CMTM6: variants seen among roughly 807,000 people sequenced by gnomAD.
CMTM6 encodes CKLF-like MARVEL transmembrane domain-containing protein 6.
Under a neutral mutation model 13.6 loss-of-function variants are expected in CMTM6, and 5 were observed. That is an observed-to-expected ratio of 0.37 (90% confidence interval 0.19 to 0.77). The LOEUF (loss-of-function observed/expected upper bound fraction) is 0.77. Ranked by LOEUF, CMTM6 falls within the 30% of genes least tolerant of loss-of-function variation. The pLI is 0.50. For synonymous variants in CMTM6, 99 were observed against 84.5 expected, an observed-to-expected ratio of 1.17 and a Z score of -0.94; for missense variants, 196 against 218.6, an observed-to-expected ratio of 0.90 and a Z score of 0.65.
At position 32,487,982 on chromosome 3, in the gene CMTM6, A is replaced by T. The variant is rs1305971282; in HGVS notation, c.370T>A (p.Phe124Ile). Residue 124 changes from phenylalanine (F) to isoleucine (I), a missense_variant, in exon 3 of 4, where the codon TTT becomes ATT. By Grantham distance (21) the Phe-to-Ile change is conservative. Coordinates refer to ENST00000205636, the MANE Select transcript of CMTM6 (RefSeq NM_017801.3). ...GCVFLLASII[F>I]VSTHDRTSAE... ...GAAGTCCTGTCATGTGTGGAAACAA[A>T]AATGATGGATGCCAACAAAAACACA... is the stretch of plus-strand genomic sequence containing the variant. The T allele has an allele frequency of 6.2e-7, 1 of 1,613,922 alleles. No homozygotes were observed. Among genetic ancestry groups the T allele is most frequent in the African/African-American group, 1.3e-5 (1 of 74,944 alleles).
intron 1 of CMTM6, among the ~76,000 whole-genome samples, chr3:32,500,627 G>A (rs1447604797): frequency 1.3e-5 from 2 of 151,996 alleles, no homozygotes; most frequent in Non-Finnish European, 2.9e-5. Context: ...ATCTTTTAAG[G>A]CAAATTCATC....
rs181078189 is a variant in CMTM6 at position 32,497,304 on chromosome 3, A to G, written c.138+5304T>C. On this transcript the variant is annotated intron_variant, in intron 1 of 3. Transcript: ENST00000205636. ...GGAGGCTGAGGCAGGAGAATGGCGT[A>G]AACCCAGGAGGCAGAGCTTTCAGTG... is the stretch of plus-strand genomic sequence containing the variant. 6.9e-4 allele frequency among the ~76,000 whole-genome samples: 103 copies of G among 149,480 alleles called. No individual in the cohort carries two copies. In the Middle Eastern group the frequency reaches 0.014, roughly 20 times the overall value.
chr3:32,501,348 A>G (rs182493665), intron 1 of CMTM6, among the ~76,000 whole-genome samples: 1 of 152,326 alleles, frequency 6.6e-6, no homozygotes, highest in Non-Finnish European at 1.5e-5. Flanking sequence ...AGAAGGAAGA[A>G]GGTAGAAGGA....
rs1462415235 is a variant in CMTM6 at position 32,483,451 on chromosome 3, A to C, written c.*509T>G. On this transcript the variant is annotated 3_prime_UTR_variant, in exon 4 of 4. Coordinates refer to ENST00000205636, the MANE Select transcript of CMTM6 (RefSeq NM_017801.3). ...CCTGGTAATATATGTTAAGGAAAAA[A>C]ACCTAGACCAACATTTTAAATATTG... The C allele has an allele frequency of 6.6e-6, 1 of 152,418 alleles. No homozygotes were observed. The highest frequency in any genetic ancestry group is 1.5e-5 in the Non-Finnish European group (1 of 68,036). The allele number at this position is 152,418 out of a possible 1,614,324, so 9.4% of individuals were successfully genotyped here.
rs1372703715 is a variant in CMTM6 at position 32,483,243 on chromosome 3, T to C, written c.*717A>G. 1 of 152,650 alleles carries C rather than the reference T, an allele frequency of 6.6e-6. No homozygotes were observed. The highest frequency in any genetic ancestry group is 1.9e-4 in the East Asian group (1 of 5,208). 9.5% of individuals were successfully genotyped at this position (152,650 alleles called of 1,614,324 possible). On this transcript the variant is annotated 3_prime_UTR_variant, in exon 4 of 4. Coordinates refer to ENST00000205636, the MANE Select transcript of CMTM6 (RefSeq NM_017801.3). ...TTTTATGTGTTACAAAACAATCTTT[T>C]TTTTACTTGACATCAACAACCAAGG...
At chr3:32,495,008 G>C (rs1240814681) in intron 1 of CMTM6, among the ~76,000 whole-genome samples, 10 of 150,790 alleles carry the variant, frequency 6.6e-5, no homozygotes, top group Non-Finnish European at 1.2e-4. Context: ...GGACCTCCCT[G>C]TACTTTTTTT....
intron 1 of CMTM6, among the ~76,000 whole-genome samples, chr3:32,498,615 TC>T (rs1642714437): frequency 6.6e-6 from 1 of 151,022 alleles, no homozygotes; most frequent in Non-Finnish European, 1.5e-5. Flanking sequence ...TTTTTTTTTT[TC>T]TGAGATGGAG....
In CMTM6 at chr3:32,483,994, C is replaced by G. The variant is rs1357955483; in HGVS notation, c.518G>C (p.Arg173Thr). 4 of 1,611,644 alleles carry G rather than the reference C, an allele frequency of 2.5e-6. No individual in the cohort carries two copies. Among genetic ancestry groups the G allele is most frequent in the East Asian group, 2.2e-5 (1 of 44,674 alleles). Residue 173 changes from arginine (R) to threonine (T), a missense_variant, in exon 4 of 4, where the codon AGG (arginine) becomes ACG (threonine). Transcript: ENST00000205636. The stretch of plus-strand genomic sequence containing the variant: ...AAGTGGCTCAGTGAGGGCTTCAGCC[C>G]TAGTGGTATTTTCAGGTTTTCTCAG... Reference protein sequence around the residue: ...SQLRKPENTTRAEALTEPLNA With the variant: ...SQLRKPENTTTAEALTEPLNA
intron 2 of CMTM6, among the ~76,000 whole-genome samples, chr3:32,488,805 A>G (rs1258743591): frequency 1.3e-5 from 2 of 152,162 alleles, no homozygotes; most frequent in African/African-American, 4.8e-5. Context: ...TGGGTTTCCA[A>G]GTGCTCTCTC....
intron 2 of CMTM6, among the ~76,000 whole-genome samples, chr3:32,488,566 C>A (rs1048792594): frequency 2.6e-5 from 4 of 152,148 alleles, no homozygotes; most frequent in African/African-American, 9.7e-5. Flanking sequence ...TGAGAGCACT[C>A]CAATGCTTTG....
intron 1 of CMTM6, among the ~76,000 whole-genome samples, chr3:32,501,717 CA>C (rs1697347015): frequency 6.6e-6 from 1 of 152,128 alleles, no homozygotes; most frequent in Admixed American, 6.5e-5. Context: ...AAAAACAAAA[CA>C]AAGTAAGACA....
chr3:32,490,083 T>C (rs1559424400), intron 2 of CMTM6, among the ~76,000 whole-genome samples: 2 of 152,072 alleles, frequency 1.3e-5, no homozygotes, highest in African/African-American at 4.8e-5. Flanking sequence ...CCATCTCTAC[T>C]AAAAGTACAA....
intron 1 of CMTM6, among the ~76,000 whole-genome samples, chr3:32,493,138 T>C (rs976552651): frequency 4.6e-5 from 7 of 152,210 alleles, no homozygotes; most frequent in Non-Finnish European, 1.0e-4. Context: ...AATATTTAAC[T>C]GTATGGCCAT....
At chr3:32,501,826 C>T (rs1431351754) in intron 1 of CMTM6, among the ~76,000 whole-genome samples, 1 of 152,164 alleles carries the variant, frequency 6.6e-6, no homozygotes, top group Admixed American at 6.5e-5. Flanking sequence ...ACTGGTTCAA[C>T]CATCAGTGGT....
At chr3:32,493,387 C>G (rs190840936) in intron 1 of CMTM6, among the ~76,000 whole-genome samples, 12 of 152,314 alleles carry the variant, frequency 7.9e-5, no homozygotes, top group Non-Finnish European at 1.8e-4. Flanking sequence ...TACTAACATA[C>G]TGGTCCTCAC....
chr3:32,502,170 C>A (rs905250404), intron 1 of CMTM6, among the ~76,000 whole-genome samples: 1 of 152,240 alleles, frequency 6.6e-6, no homozygotes, highest in Non-Finnish European at 1.5e-5. Flanking sequence ...GCAAGTTAAA[C>A]TGCCCCCATG....
At chr3:32,495,317 C>T (rs949820122) in intron 1 of CMTM6, among the ~76,000 whole-genome samples, 1 of 152,138 alleles carries the variant, frequency 6.6e-6, no homozygotes, top group Non-Finnish European at 1.5e-5. Context: ...AATCATTACA[C>T]CACAGGATAT....
At chr3:32,485,106 C>CTTAT (rs1697191685) in intron 3 of CMTM6, among the ~76,000 whole-genome samples, 1 of 151,948 alleles carries the variant, frequency 6.6e-6, no homozygotes, top group South Asian at 2.1e-4. Context: ...CATTTATCCC[C>CTTAT]TTATTTTCCT....
intron 1 of CMTM6, among the ~76,000 whole-genome samples, chr3:32,500,307 C>T (rs1372572246): frequency 2.0e-5 from 3 of 152,168 alleles, no homozygotes; most frequent in African/African-American, 7.2e-5. Context: ...TTGCCTATAG[C>T]CCCAGGCTGG....
Sources: allele counts gnomAD v4.1 joint callset (sites outside exome capture counted in the v4.1 genomes callset), GRCh38; gene constraint gnomAD v4.1.1; transcripts MANE v1.5; gene names NCBI Gene and HGNC (gene_info 2026-07-23, HGNC 2026-07-21).